TNR: variants seen among roughly 807,000 people sequenced by gnomAD.
TNR encodes tenascin-R.
Under a neutral mutation model 150.4 loss-of-function variants are expected in TNR, and 45 were observed. The ratio of observed to expected loss-of-function variants is 0.30; its 90% CI spans 0.24 to 0.38. The LOEUF (loss-of-function observed/expected upper bound fraction) is 0.38. Ranked by LOEUF, TNR falls within the 10% of genes least tolerant of loss-of-function variation. The pLI, the probability that TNR is intolerant of heterozygous loss-of-function variation, is 1.00. For missense variants in TNR, 1,544 were observed against 1,759.1 expected (o/e 0.88, Z 2.19); for synonymous variants, 687 against 678.4 (o/e 1.01, Z -0.20).
chr1:175,734,084 A>G (rs1667712732), intron 1 of TNR, among the ~76,000 whole-genome samples: 1 of 152,198 alleles, frequency 6.6e-6, no homozygotes, highest in South Asian at 2.1e-4. Flanking sequence ...TGCCTGTCTC[A>G]AGAATGCAAT....
chr1:175,466,784 C>T (rs187314114), intron 2 of TNR, among the ~76,000 whole-genome samples: 3 of 152,296 alleles, frequency 2.0e-5, no homozygotes, highest in Admixed American at 2.0e-4. Flanking sequence ...TACACATTGC[C>T]ACCCTCCATC....
At chr1:175,486,327 C>G (rs145613999) in intron 2 of TNR, among the ~76,000 whole-genome samples, 2 of 151,720 alleles carry the variant, frequency 1.3e-5, no homozygotes, top group South Asian at 2.1e-4. Flanking sequence ...TCCCTGTGTC[C>G]GTGTGTTCTC....
Position 175,355,678 on chromosome 1 carries a change from C to A in TNR, c.3119-45G>T, listed in dbSNP as rs763697055. ...CCAGGGCATGCCTGCCTCTCCAGCT[C>A]CTCCCCCTGCTTGATTTCAGGTATG... On this transcript the variant is annotated intron_variant, in intron 16 of 22. Transcript: ENST00000367674. 11 of 1,608,878 alleles carry A rather than the reference C, an allele frequency of 6.8e-6. No individual in the cohort carries two copies. In the Admixed American group the frequency reaches 1.2e-4, roughly 17 times the overall value.
intron 1 of TNR, among the ~76,000 whole-genome samples, chr1:175,673,098 C>A (rs1665752047): frequency 6.6e-6 from 1 of 152,178 alleles, no homozygotes; most frequent in South Asian, 2.1e-4. Context: ...GGGTCCCTTA[C>A]TAAAATCTGG....
chr1:175,513,836 C>T (rs976583198), intron 2 of TNR, among the ~76,000 whole-genome samples: 3 of 152,222 alleles, frequency 2.0e-5, no homozygotes, highest in African/African-American at 7.2e-5. Context: ...TTCTCAAACT[C>T]ACTGCACATG....
At chr1:175,494,207 T>C (rs937776013) in intron 2 of TNR, among the ~76,000 whole-genome samples, 11 of 152,202 alleles carry the variant, frequency 7.2e-5, no homozygotes, top group African/African-American at 2.7e-4. Flanking sequence ...TGTGGCTGTT[T>C]GGGCTGCAGT....
chr1:175,368,164 C>A (rs915732675), intron 9 of TNR, among the ~76,000 whole-genome samples: 1 of 152,242 alleles, frequency 6.6e-6, no homozygotes, highest in African/African-American at 2.4e-5. Flanking sequence ...CACATCACCA[C>A]AATTTAGTGA....
intron 2 of TNR, among the ~76,000 whole-genome samples, chr1:175,417,011 A>AAAAGAAAGAAAGAAAGAAGG (rs1654499021): frequency 2.2e-5 from 2 of 90,848 alleles, no homozygotes; most frequent in Non-Finnish European, 4.4e-5. Context: ...CCATCTCAAA[A>AAAAGAAAGAAAGAAAGAAGG]AAAGAAAGAA....
At chr1:175,631,900 T>C (rs1052031001) in intron 1 of TNR, among the ~76,000 whole-genome samples, 1 of 152,250 alleles carries the variant, frequency 6.6e-6, no homozygotes, top group African/African-American at 2.4e-5. Context: ...GTAATGCTTT[T>C]TGACTAAAAA....
At chr1:175,468,902 G>A (rs949364316) in intron 2 of TNR, among the ~76,000 whole-genome samples, 1 of 152,108 alleles carries the variant, frequency 6.6e-6, no homozygotes, top group African/African-American at 2.4e-5. Flanking sequence ...GCCTTGGGGA[G>A]GCTGGTACAG....
At chr1:175,417,115 T>G (rs1654531903) in intron 2 of TNR, among the ~76,000 whole-genome samples, 1 of 150,232 alleles carries the variant, frequency 6.7e-6, no homozygotes, top group Non-Finnish European at 1.5e-5. Context: ...GGGCTTATAA[T>G]CTAGTTGAGA....
chr1:175,530,715 G>T (rs1660027820), intron 1 of TNR, among the ~76,000 whole-genome samples: 1 of 136,568 alleles, frequency 7.3e-6, no homozygotes, highest in African/African-American at 2.6e-5. Flanking sequence ...AATTTTTAGT[G>T]CACTCTCTTT....
At chr1:175,358,916 T>G (rs1459911747) in intron 15 of TNR, among the ~76,000 whole-genome samples, 1 of 152,206 alleles carries the variant, frequency 6.6e-6, no homozygotes, top group Non-Finnish European at 1.5e-5. Flanking sequence ...AACTTGGTCC[T>G]ATATCTTCAG....
chr1:175,436,585 C>T (rs1196628682), intron 2 of TNR, among the ~76,000 whole-genome samples: 1 of 152,064 alleles, frequency 6.6e-6, no homozygotes, highest in East Asian at 1.9e-4. Flanking sequence ...CACAGACTGG[C>T]AAATTGGATA....
intron 1 of TNR, among the ~76,000 whole-genome samples, chr1:175,650,728 C>CT (rs1558054593): frequency 8.0e-6 from 1 of 125,380 alleles, no homozygotes; most frequent in Non-Finnish European, 1.7e-5. Context: ...CTACCCCTCC[C>CT]CGCCTCATTA....
At chr1:175,456,182 A>G (rs1243558767) in intron 2 of TNR, among the ~76,000 whole-genome samples, 1 of 152,108 alleles carries the variant, frequency 6.6e-6, no homozygotes, top group Non-Finnish European at 1.5e-5. Flanking sequence ...CTGTACCTCC[A>G]GGTCCCTCTG....
At chr1:175,601,620 A>G (rs1663239318) in intron 1 of TNR, among the ~76,000 whole-genome samples, 1 of 152,208 alleles carries the variant, frequency 6.6e-6, no homozygotes, top group South Asian at 2.1e-4. Flanking sequence ...AATTATGAAA[A>G]CGCTATATAC....
chr1:175,483,715 G>T (rs1657898785), intron 2 of TNR, among the ~76,000 whole-genome samples: 1 of 152,172 alleles, frequency 6.6e-6, no homozygotes, highest in Non-Finnish European at 1.5e-5. Context: ...GGGCCTTGAA[G>T]GGCTCAAAAC....
chr1:175,444,035 T>TG (rs1190718784), intron 2 of TNR, among the ~76,000 whole-genome samples: 1 of 152,126 alleles, frequency 6.6e-6, no homozygotes, highest in Non-Finnish European at 1.5e-5. Context: ...GCCATGGACT[T>TG]GGGGGGTGGT....
Sources: allele counts gnomAD v4.1 joint callset (sites outside exome capture counted in the v4.1 genomes callset), GRCh38; gene constraint gnomAD v4.1.1; transcripts MANE v1.5; gene names NCBI Gene and HGNC (gene_info 2026-07-23, HGNC 2026-07-21).